BCL11A: variants seen among roughly 807,000 people sequenced by gnomAD.
BCL11A encodes the protein B cell CLL/lymphoma 11A.
Under a neutral mutation model 55.9 loss-of-function variants are expected in BCL11A, and 2 were observed. That is an observed-to-expected ratio of 0.04 (90% confidence interval 0.01 to 0.11). BCL11A has a LOEUF of 0.11. Ranked by LOEUF, BCL11A falls within the 10% of genes least tolerant of loss-of-function variation. The pLI is 1.00. For synonymous variants in BCL11A, 465 were observed against 473.4 expected (o/e 0.98, Z 0.23); for missense variants, 817 against 1,137.1 (o/e 0.72, Z 4.05).
intron 2 of BCL11A, among the ~76,000 whole-genome samples, chr2:60,486,285 C>T (rs1678270519): frequency 6.6e-6 from 1 of 152,210 alleles, no homozygotes; most frequent in Admixed American, 6.5e-5. Flanking sequence ...CAAAGTGAGA[C>T]ACCAATCACA....
At chr2:60,524,429 G>GT (rs1282912657) in intron 2 of BCL11A, 1 of 151,924 alleles carries the variant, frequency 6.6e-6, no homozygotes, top group Non-Finnish European at 1.5e-5. Flanking sequence ...TTGCTTTTGG[G>GT]TTGGGTTAGG....
chr2:60,540,764 C>T (rs1669882845), intron 2 of BCL11A, among the ~76,000 whole-genome samples: 2 of 152,128 alleles, frequency 1.3e-5, no homozygotes, highest in Non-Finnish European at 1.5e-5. Context: ...GGTTGCCTGT[C>T]CTGACCCTGC....
chr2:60,485,908 A>G (rs546769943), intron 2 of BCL11A, among the ~76,000 whole-genome samples: 2 of 152,058 alleles, frequency 1.3e-5, no homozygotes, highest in African/African-American at 4.8e-5. Context: ...TCTGATTCTC[A>G]TTTTCAACAA....
intron 2 of BCL11A, among the ~76,000 whole-genome samples, chr2:60,500,387 G>C (rs537139023): frequency 3.3e-5 from 5 of 152,328 alleles, no homozygotes; most frequent in Non-Finnish European, 5.9e-5. Flanking sequence ...CCGTGCCTCT[G>C]TGGGCTGACA....
intron 2 of BCL11A, among the ~76,000 whole-genome samples, chr2:60,516,720 A>G (rs1047979799): frequency 6.6e-6 from 1 of 152,240 alleles, no homozygotes; most frequent in African/African-American, 2.4e-5. Context: ...TAGCATTCCT[A>G]GTGGACACCA....
chr2:60,524,039 A>G (rs1472002676), intron 2 of BCL11A, among the ~76,000 whole-genome samples: 2 of 152,140 alleles, frequency 1.3e-5, no homozygotes, highest in Admixed American at 1.3e-4. Flanking sequence ...TGTTTGAGAG[A>G]CTCCGGACCA....
In BCL11A at chr2:60,461,529, G is replaced by T. The variant is rs1268603511; in HGVS notation, c.1383C>A (p.Ser461Arg). ...GTSDLVGSAS[S>R]ALKSVVAKFK... ...ACTTGGCCACCACGGACTTGAGCGC[G>T]CTGCTGGCGCTGCCCACCAAGTCGC... Residue 461 changes from serine to arginine, a missense_variant, in exon 4 of 4, where the codon AGC (serine) becomes AGA (arginine). Ser to Arg is a moderately radical substitution (Grantham distance 110). Transcript: ENST00000642384. 1.2e-6 allele frequency: 2 copies of T among 1,608,550 alleles called. No individual in the cohort carries two copies. The highest frequency in any genetic ancestry group is 1.7e-6 in the Non-Finnish European group (2 of 1,179,990).
chr2:60,451,940 A>G (rs992067064), exon 5 of BCL11A: 1 of 229,034 alleles, frequency 4.4e-6, no homozygotes, highest in African/African-American at 2.2e-5. Context: ...TATTGCTATG[A>G]TTTATTCCCA....
intron 2 of BCL11A, chr2:60,543,207 C>A (rs756716423): frequency 3.3e-5 from 5 of 152,104 alleles, no homozygotes; most frequent in Non-Finnish European, 5.9e-5. Flanking sequence ...TTGCTTCCTG[C>A]CTATAAAATA....
chr2:60,460,164 A>T lies in BCL11A; in HGVS notation c.*240T>A. ...TCATGCATTCAAACGGTGAGAACAT[A>T]AAGGAAAAAAAAAAAAAAGGAAAAA... On this transcript the variant is annotated 3_prime_UTR_variant, in exon 4 of 4. Transcript: ENST00000642384. The T allele has an allele frequency of 7.8e-7, 1 of 1,277,756 alleles. No homozygotes were observed. Among genetic ancestry groups the T allele is most frequent in the South Asian group, 2.4e-5 (1 of 41,662 alleles). 79.2% of individuals were successfully genotyped at this position (1,277,756 alleles called of 1,614,324 possible).
At chr2:60,551,664 G>A (rs972530486) in intron 1 of BCL11A, among the ~76,000 whole-genome samples, 4 of 152,170 alleles carry the variant, frequency 2.6e-5, no homozygotes, top group Non-Finnish European at 5.9e-5. Flanking sequence ...AGCCGATTTC[G>A]CAGTCTGGGA....
chr2:60,476,740 C>T (rs1261727447), intron 2 of BCL11A, among the ~76,000 whole-genome samples: 2 of 152,244 alleles, frequency 1.3e-5, no homozygotes, highest in Admixed American at 1.3e-4. Context: ...CCAATATCCT[C>T]TCTGTCAAGT....
chr2:60,494,124 T>C (rs1446530632), intron 2 of BCL11A, among the ~76,000 whole-genome samples: 1 of 152,182 alleles, frequency 6.6e-6, no homozygotes, highest in Non-Finnish European at 1.5e-5. Flanking sequence ...TGAAGCCCCA[T>C]GGGTGAGGCA....
At chr2:60,525,733 G>T (rs1037231932) in intron 2 of BCL11A, 2 of 152,200 alleles carry the variant, frequency 1.3e-5, no homozygotes, top group Non-Finnish European at 2.9e-5. Context: ...ATAAGGGTCA[G>T]AACCCAGGTG....
chr2:60,544,921 A>G (rs1247399069), intron 2 of BCL11A: 2 of 152,236 alleles, frequency 1.3e-5, no homozygotes, highest in Non-Finnish European at 2.9e-5. Context: ...TTTAAGTCCC[A>G]CTGCTAGCCT....
At chr2:60,492,615 CCTCTCTCTCT>C (rs3028027) in intron 2 of BCL11A, among the ~76,000 whole-genome samples, 11 of 144,620 alleles carry the variant, frequency 7.6e-5, no homozygotes, top group African/African-American at 2.8e-4. Context: ...AGTGGGCCTC[CCTCTCTCTCT>C]CTCTCTCTCT....
At chr2:60,489,937 C>G (rs1229425804) in intron 2 of BCL11A, among the ~76,000 whole-genome samples, 1 of 152,132 alleles carries the variant, frequency 6.6e-6, no homozygotes, top group Non-Finnish European at 1.5e-5. Context: ...CCATCCATGC[C>G]CTGAGTATCC....
intron 2 of BCL11A, among the ~76,000 whole-genome samples, chr2:60,539,532 G>A (rs1318008459): frequency 2.6e-5 from 4 of 152,180 alleles, no homozygotes; most frequent in Non-Finnish European, 4.4e-5. Flanking sequence ...AAAAAGCAGG[G>A]AGACAAATTC....
At position 60,497,049 on chromosome 2, in the gene BCL11A, C is replaced by T. The variant is rs1044817200; in HGVS notation, c.386-28216G>A. ...ATGGAAGGAAGCAAGATCTCTACTC[C>T]TCCCCCAGTGTTGAGTGGACAGGGA... On this transcript the variant is annotated intron_variant, in intron 2 of 3. Coordinates refer to ENST00000642384, the MANE Select transcript of BCL11A (RefSeq NM_022893.4). Among the ~76,000 whole-genome samples, 4 of 152,234 alleles carry T rather than the reference C, an allele frequency of 2.6e-5. No individual in the cohort carries two copies. The South Asian group carries it at 8.3e-4, about 32-fold the overall frequency.
Sources: gnomAD v4.1 joint callset for allele counts (sites outside exome capture counted in the v4.1 genomes callset) on GRCh38, gnomAD v4.1.1 for gene constraint, MANE v1.5 for transcripts, NCBI Gene and HGNC (gene_info 2026-07-23, HGNC 2026-07-21) for gene names.